Variants in THRB observed in about 807,000 individuals in gnomAD.
THRB encodes the protein nuclear receptor subfamily 1 group A member 2.
In THRB, 12 loss-of-function variants were observed where a neutral mutation model predicts 47.8. That is an observed-to-expected ratio of 0.25 (90% CI 0.16 to 0.41). THRB has a LOEUF of 0.41. Among genes scored for constraint, THRB ranks in the 10% least tolerant of loss-of-function variants. The probability of loss-of-function intolerance (pLI) is 1.00; values close to 1 mark genes in which losing one functional copy is unlikely to be tolerated. For synonymous variants in THRB, 218 were observed against 212.2 expected, an observed-to-expected ratio of 1.03 and a Z score of -0.24; for missense variants, 348 against 589.2, an observed-to-expected ratio of 0.59 and a Z score of 4.24.
At chr3:24,378,139 T>C (rs1440476618) in intron 1 of THRB, among the ~76,000 whole-genome samples, 2 of 152,158 alleles carry the variant, frequency 1.3e-5, no homozygotes, top group Non-Finnish European at 2.9e-5. Context: ...GGCAGGGGCA[T>C]TATTGTTTTC....
At chr3:24,267,197 A>G (rs1192118740) in intron 3 of THRB, among the ~76,000 whole-genome samples, 1 of 149,642 alleles carries the variant, frequency 6.7e-6, no homozygotes, top group Non-Finnish European at 1.5e-5. Flanking sequence ...CATAATGACA[A>G]GAAGAAAATT....
At chr3:24,464,141 A>C (rs940385243) in intron 1 of THRB, among the ~76,000 whole-genome samples, 15 of 151,922 alleles carry the variant, frequency 9.9e-5, no homozygotes, top group Admixed American at 9.2e-4. Flanking sequence ...AGCTACTCAA[A>C]AGGCTGAGGC....
chr3:24,380,312 T>C (rs1458013140), intron 1 of THRB, among the ~76,000 whole-genome samples: 1 of 151,840 alleles, frequency 6.6e-6, no homozygotes, highest in Non-Finnish European at 1.5e-5. Flanking sequence ...CAGAATAACT[T>C]CCAGATTTCT....
chr3:24,482,604 A>G (rs61063562), intron 1 of THRB, among the ~76,000 whole-genome samples: 8,109 of 149,294 alleles, frequency 0.054, 339 homozygotes, highest in African/African-American at 0.11. Flanking sequence ...AATCCAGGAC[A>G]CAGGACCCCC....
chr3:24,481,442 A>G (rs1168571319), intron 1 of THRB, among the ~76,000 whole-genome samples: 2 of 151,988 alleles, frequency 1.3e-5, no homozygotes, highest in Admixed American at 6.6e-5. Flanking sequence ...AAACATCAGG[A>G]AAGTATTACT....
At chr3:24,326,387 C>A (rs923898378) in intron 2 of THRB, among the ~76,000 whole-genome samples, 6 of 152,150 alleles carry the variant, frequency 3.9e-5, no homozygotes, top group African/African-American at 1.4e-4. Flanking sequence ...AGGTGCCCAC[C>A]ACCATGCCTG....
intron 4 of THRB, among the ~76,000 whole-genome samples, chr3:24,219,815 A>G (rs1187816692): frequency 6.6e-6 from 1 of 152,246 alleles, no homozygotes; most frequent in Admixed American, 6.5e-5. Flanking sequence ...GTCATTAGGT[A>G]AGATGGTTGG....
chr3:24,413,372 C>G (rs1187375883), intron 1 of THRB, among the ~76,000 whole-genome samples: 1 of 151,646 alleles, frequency 6.6e-6, no homozygotes, highest in Non-Finnish European at 1.5e-5. Context: ...TTCTAATCCT[C>G]TTCAAAGAAT....
At chr3:24,165,636 G>A (rs2039549590) in intron 5 of THRB, 4 of 335,420 alleles carry the variant, frequency 1.2e-5, no homozygotes, top group African/African-American at 2.1e-5. Flanking sequence ...GACTATCAAA[G>A]GTCTTAAGCT....
At chr3:24,396,894 G>A (rs1358416381) in intron 1 of THRB, among the ~76,000 whole-genome samples, 1 of 152,048 alleles carries the variant, frequency 6.6e-6, no homozygotes, top group Non-Finnish European at 1.5e-5. Context: ...GTGCTTTCCT[G>A]GCTATCAATA....
At chr3:24,224,126 C>T (rs1442035052) in intron 4 of THRB, among the ~76,000 whole-genome samples, 2 of 152,156 alleles carry the variant, frequency 1.3e-5, no homozygotes, top group Non-Finnish European at 2.9e-5. Context: ...GTTTTTAAAG[C>T]TGTTCAGTCC....
At chr3:24,239,704 AT>A (rs1484150158) in intron 3 of THRB, among the ~76,000 whole-genome samples, 1 of 151,990 alleles carries the variant, frequency 6.6e-6, no homozygotes, top group Admixed American at 6.6e-5. Context: ...TATAGTTCTA[AT>A]TTTCTTTCAG....
chr3:24,278,249 TG>T (rs1202947982), intron 3 of THRB, among the ~76,000 whole-genome samples: 10 of 152,242 alleles, frequency 6.6e-5, no homozygotes, highest in Non-Finnish European at 1.0e-4. Context: ...TAATGATGTC[TG>T]GCTAATTTCC....
chr3:24,472,280 AC>A (rs1694819789), intron 1 of THRB, among the ~76,000 whole-genome samples: 1 of 152,110 alleles, frequency 6.6e-6, no homozygotes, highest in South Asian at 2.1e-4. Flanking sequence ...GATCTTTGAG[AC>A]CCTCTTAATC....
At chr3:24,482,609 AC>A (rs1696649905) in intron 1 of THRB, among the ~76,000 whole-genome samples, 2 of 142,708 alleles carry the variant, frequency 1.4e-5, no homozygotes, top group Non-Finnish European at 3.0e-5. Context: ...AGGACACAGG[AC>A]CCCCAGCTTC....
At chr3:24,246,035 T>A (rs896115901) in intron 3 of THRB, among the ~76,000 whole-genome samples, 2 of 152,216 alleles carry the variant, frequency 1.3e-5, no homozygotes, top group African/African-American at 2.4e-5. Context: ...TTGGACAGAA[T>A]AGCTACATCA....
At chr3:24,186,772 C>G (rs1159286492) in intron 5 of THRB, among the ~76,000 whole-genome samples, 1 of 151,858 alleles carries the variant, frequency 6.6e-6, no homozygotes, top group Non-Finnish European at 1.5e-5. Flanking sequence ...ATGGCGAAAT[C>G]CTGTCTCTAC....
At chr3:24,239,029 T>C (rs927608597) in intron 3 of THRB, among the ~76,000 whole-genome samples, 5 of 151,754 alleles carry the variant, frequency 3.3e-5, no homozygotes, top group Admixed American at 6.6e-5. Context: ...GCAATCTCTT[T>C]CTCCTGGGTT....
At chr3:24,230,154 T>C (rs1434547285) in intron 3 of THRB, among the ~76,000 whole-genome samples, 2 of 152,194 alleles carry the variant, frequency 1.3e-5, no homozygotes, top group Non-Finnish European at 2.9e-5. Context: ...ACAACACAGA[T>C]TTATACATAG....
Sources: gnomAD v4.1 joint callset for allele counts (sites outside exome capture counted in the v4.1 genomes callset) on GRCh38, gnomAD v4.1.1 for gene constraint, MANE v1.5 for transcripts, NCBI Gene and HGNC (gene_info 2026-07-23, HGNC 2026-07-21) for gene names.